The following CSMD3 variants were observed in gnomAD, a reference collection of about 807,000 sequenced individuals.
CSMD3 encodes the protein CUB and Sushi multiple domains 3.
Under a neutral mutation model 435.2 loss-of-function variants are expected in CSMD3, and 177 were observed. That is an observed-to-expected ratio of 0.41 (90% CI 0.36 to 0.46). The LOEUF (loss-of-function observed/expected upper bound fraction) is 0.46, where lower values mean the gene tolerates loss of function less well. Ranked by LOEUF, CSMD3 falls within the 20% of genes least tolerant of loss-of-function variation. CSMD3 has a pLI of 0.34. For synonymous variants in CSMD3, 1,656 were observed against 1,520.5 expected, an observed-to-expected ratio of 1.09 and a Z score of -2.07; for missense variants, 4,265 against 4,504.6, an observed-to-expected ratio of 0.95 and a Z score of 1.52.
At chr8:112,989,686 TG>T (rs1431615363) in intron 6 of CSMD3, among the ~76,000 whole-genome samples, 4 of 151,938 alleles carry the variant, frequency 2.6e-5, no homozygotes, top group Non-Finnish European at 5.9e-5. Context: ...CCCACCCACT[TG>T]GGTAAGGATG....
chr8:112,706,866 C>A (rs2076509234), intron 13 of CSMD3, among the ~76,000 whole-genome samples: 1 of 151,978 alleles, frequency 6.6e-6, no homozygotes, highest in Non-Finnish European at 1.5e-5. Flanking sequence ...AATAATAGAG[C>A]AGTAAAATGG....
chr8:112,345,468 G>C (rs552628858), intron 41 of CSMD3, among the ~76,000 whole-genome samples: 4 of 152,242 alleles, frequency 2.6e-5, no homozygotes, highest in South Asian at 2.1e-4. Flanking sequence ...AGGGCATTAT[G>C]TTAAGTGCAA....
At chr8:112,936,848 G>T (rs1009762918) in intron 9 of CSMD3, among the ~76,000 whole-genome samples, 2 of 151,688 alleles carry the variant, frequency 1.3e-5, no homozygotes, top group African/African-American at 2.4e-5. Context: ...TCCTAAATAC[G>T]TCAATATATT....
chr8:112,307,962 A>C (rs1821604510), intron 50 of CSMD3, among the ~76,000 whole-genome samples: 1 of 152,164 alleles, frequency 6.6e-6, no homozygotes, highest in South Asian at 2.1e-4. Flanking sequence ...AACCCACGTA[A>C]ATTAAATATA....
At chr8:112,477,948 C>T (rs1391124886) in intron 31 of CSMD3, among the ~76,000 whole-genome samples, 2 of 152,082 alleles carry the variant, frequency 1.3e-5, no homozygotes, top group African/African-American at 2.4e-5. Flanking sequence ...GTCACTGAAT[C>T]ATGGGGTCAA....
At chr8:113,215,141 T>A (rs2092887897) in intron 3 of CSMD3, among the ~76,000 whole-genome samples, 1 of 151,872 alleles carries the variant, frequency 6.6e-6, no homozygotes, top group South Asian at 2.1e-4. Context: ...AGCTCACTGA[T>A]CTTTACTTAC....
intron 13 of CSMD3, among the ~76,000 whole-genome samples, chr8:112,799,930 C>T (rs1001785301): frequency 1.3e-5 from 2 of 151,628 alleles, no homozygotes; most frequent in Non-Finnish European, 2.9e-5. Context: ...GTATAATATA[C>T]TGGGAGAAAG....
At chr8:112,794,430 G>T (rs772106362) in intron 13 of CSMD3, among the ~76,000 whole-genome samples, 35 of 151,482 alleles carry the variant, frequency 2.3e-4, no homozygotes, top group Non-Finnish European at 3.7e-4. Context: ...GAGTAGTTGG[G>T]ATCACAGGCA....
At chr8:112,245,047 T>C (rs1189858251) in intron 64 of CSMD3, among the ~76,000 whole-genome samples, 1 of 152,020 alleles carries the variant, frequency 6.6e-6, no homozygotes, top group East Asian at 1.9e-4. Context: ...AAATCTATTT[T>C]CTATTGTTAA....
chr8:113,412,996 G>A (rs1025281403), intron 1 of CSMD3, among the ~76,000 whole-genome samples: 10 of 151,952 alleles, frequency 6.6e-5, no homozygotes, highest in African/African-American at 2.4e-4. Flanking sequence ...ATAATTAACA[G>A]GACATGATAA....
intron 13 of CSMD3, among the ~76,000 whole-genome samples, chr8:112,711,875 G>A (rs1267475449): frequency 6.6e-6 from 1 of 151,972 alleles, no homozygotes; most frequent in African/African-American, 2.4e-5. Flanking sequence ...ATATAATCCT[G>A]CCTCAGCCTC....
chr8:113,367,563 CTT>C (rs1394335581), intron 1 of CSMD3, among the ~76,000 whole-genome samples: 1 of 152,058 alleles, frequency 6.6e-6, no homozygotes, highest in Non-Finnish European at 1.5e-5. Flanking sequence ...TATCTGAACT[CTT>C]TACCATGATC....
intron 2 of CSMD3, among the ~76,000 whole-genome samples, chr8:113,286,236 A>C (rs2093645714): frequency 6.6e-6 from 1 of 152,080 alleles, no homozygotes; most frequent in South Asian, 2.1e-4. Flanking sequence ...TTTGGATGAA[A>C]ACATTCTTGA....
intron 3 of CSMD3, among the ~76,000 whole-genome samples, chr8:113,232,303 T>C (rs1457963468): frequency 6.6e-6 from 1 of 151,692 alleles, no homozygotes; most frequent in East Asian, 1.9e-4. Flanking sequence ...TTTCAAAAAT[T>C]TTTATTTTGT....
chr8:112,583,805 C>T (rs113903909), intron 23 of CSMD3, among the ~76,000 whole-genome samples: 2,984 of 151,936 alleles, frequency 0.02, 50 homozygotes, highest in Middle Eastern at 0.048. Flanking sequence ...AGAAAAGATA[C>T]ATTCCTAAAT....
At chr8:112,265,380 T>C (rs2130407882) in intron 60 of CSMD3, 31 bp downstream of exon 60, 1 of 1,537,138 alleles carries the variant, frequency 6.5e-7, no homozygotes, top group Middle Eastern at 1.7e-4. Context: ...CTGGTTACCA[T>C]TTTTAAATGT....
At chr8:113,342,407 C>A (rs1324657743) in intron 1 of CSMD3, among the ~76,000 whole-genome samples, 1 of 152,042 alleles carries the variant, frequency 6.6e-6, no homozygotes. Flanking sequence ...GCGCTATTTG[C>A]AGACTAATAA....
intron 18 of CSMD3, among the ~76,000 whole-genome samples, chr8:112,652,605 C>T (rs1221905268): frequency 2.0e-5 from 3 of 152,060 alleles, no homozygotes. Context: ...ATGTCTTCCA[C>T]TGTGGTGCAT....
intron 22 of CSMD3, among the ~76,000 whole-genome samples, chr8:112,593,558 T>C (rs1033640617): frequency 1.3e-5 from 2 of 152,184 alleles, no homozygotes; most frequent in African/African-American, 4.8e-5. Flanking sequence ...GACATATTTG[T>C]ACCCATGAGA....
Sources: allele counts gnomAD v4.1 joint callset (sites outside exome capture counted in the v4.1 genomes callset), GRCh38; gene constraint gnomAD v4.1.1; transcripts MANE v1.5; gene names NCBI Gene and HGNC (gene_info 2026-07-23, HGNC 2026-07-21).